Variants in SMOC2 observed in about 807,000 individuals in gnomAD.
SMOC2 encodes SPARC-related modular calcium-binding protein 2.
SMOC2 carries 39 observed loss-of-function variants against 61.4 expected under a neutral mutation model. That is an observed-to-expected ratio of 0.64 (90% CI 0.49 to 0.83). The LOEUF is 0.83. SMOC2 is among the 40% of genes least tolerant of loss of function. SMOC2 has a pLI of 0.00. For missense variants in SMOC2, 556 were observed against 592.9 expected, an observed-to-expected ratio of 0.94 and a Z score of 0.65; for synonymous variants, 247 against 239.9, an observed-to-expected ratio of 1.03 and a Z score of -0.27.
intron 4 of SMOC2, among the ~76,000 whole-genome samples, chr6:168,537,533 C>A (rs917795088): frequency 6.6e-6 from 1 of 152,220 alleles, no homozygotes; most frequent in African/African-American, 2.4e-5. Context: ...AAAGCTGGTC[C>A]TATTTAGGGA....
At chr6:168,552,004 T>C (rs1450674882) in intron 7 of SMOC2, among the ~76,000 whole-genome samples, 2 of 152,186 alleles carry the variant, frequency 1.3e-5, no homozygotes, top group Non-Finnish European at 2.9e-5. Context: ...CCTTACACTA[T>C]AATTTGGTTT....
intron 1 of SMOC2, among the ~76,000 whole-genome samples, chr6:168,508,712 G>T (rs1782933927): frequency 6.6e-6 from 1 of 152,220 alleles, no homozygotes. Flanking sequence ...GCTCAAACTG[G>T]AAGAGGGATT....
intron 8 of SMOC2, among the ~76,000 whole-genome samples, chr6:168,603,704 T>G (rs1785614226): frequency 9.1e-6 from 1 of 110,484 alleles, no homozygotes; most frequent in Non-Finnish European, 2.2e-5. Flanking sequence ...TGTCAAATGC[T>G]CTGGAGGAAA....
chr6:168,498,527 G>T (rs1210373010), intron 1 of SMOC2, among the ~76,000 whole-genome samples: 2 of 152,208 alleles, frequency 1.3e-5, no homozygotes, highest in East Asian at 3.9e-4. Context: ...TTCAGTAAAA[G>T]AGGTCAGGTC....
At chr6:168,556,631 C>T (rs908725240) in intron 7 of SMOC2, among the ~76,000 whole-genome samples, 7 of 151,822 alleles carry the variant, frequency 4.6e-5, no homozygotes, top group Non-Finnish European at 1.0e-4. Flanking sequence ...TTTTAGGGTA[C>T]ATGTGCACAA....
In SMOC2 at chr6:168,604,316, C is replaced by CTTTTGGCAGCTCCCCCTTCA. The variant is rs1319886860; in HGVS notation, c.825-3840_825-3839insTTTGGCAGCTCCCCCTTCAT. On this transcript the variant is annotated intron_variant, in intron 8 of 12. Coordinates refer to ENST00000356284, the MANE Select transcript of SMOC2 (RefSeq NM_001166412.2). ...TCAGAATTAGATCATATGTCCATGG[C>CTTTTGGCAGCTCCCCCTTCA]TAAACCCACTGCTGGCAAGAAAAAT... Among the ~76,000 whole-genome samples the CTTTTGGCAGCTCCCCCTTCA allele has an allele frequency of 6.6e-5, 10 of 152,304 alleles. No individual in the cohort carries two copies. In the East Asian group the frequency reaches 1.5e-3, roughly 24 times the overall value.
chr6:168,655,816 C>T (rs1787308704), intron 11 of SMOC2, among the ~76,000 whole-genome samples: 1 of 152,100 alleles, frequency 6.6e-6, no homozygotes, highest in Non-Finnish European at 1.5e-5. Flanking sequence ...CTGGATCTCC[C>T]TGCCCACTTG....
intron 8 of SMOC2, among the ~76,000 whole-genome samples, chr6:168,602,251 TG>T: frequency 1.3e-5 from 2 of 152,278 alleles, no homozygotes; most frequent in Middle Eastern, 6.8e-3. Context: ...CTCGACTCTC[TG>T]GAGACAGGGA....
At chr6:168,465,510 T>C (rs535898799) in intron 1 of SMOC2, among the ~76,000 whole-genome samples, 1 of 150,936 alleles carries the variant, frequency 6.6e-6, no homozygotes, top group African/African-American at 2.4e-5. Context: ...GAAATTGCTA[T>C]GTGAGACAGT....
At chr6:168,519,034 T>C (rs111066667) in intron 2 of SMOC2, among the ~76,000 whole-genome samples, 10,667 of 55,880 alleles carry the variant, frequency 0.19, 538 homozygotes, top group East Asian at 0.44. Flanking sequence ...CATGTGTGTG[T>C]ATGTGTGCAT....
At chr6:168,525,258 G>A (rs192016309) in intron 2 of SMOC2, among the ~76,000 whole-genome samples, 1 of 152,354 alleles carries the variant, frequency 6.6e-6, no homozygotes, top group East Asian at 1.9e-4. Context: ...CGTCTCCTGT[G>A]GTGGGAGGCT....
chr6:168,643,892 G>T (rs551615356), intron 9 of SMOC2, among the ~76,000 whole-genome samples: 1 of 152,284 alleles, frequency 6.6e-6, no homozygotes, highest in Non-Finnish European at 1.5e-5. Flanking sequence ...CATGCACACG[G>T]CCCCACGCGT....
chr6:168,474,800 T>A (rs1782043789), intron 1 of SMOC2, among the ~76,000 whole-genome samples: 2 of 152,072 alleles, frequency 1.3e-5, no homozygotes, highest in African/African-American at 4.8e-5. Flanking sequence ...GTAGAAAACG[T>A]GTAACAAATG....
chr6:168,570,107 C>T (rs1174700250), intron 7 of SMOC2, among the ~76,000 whole-genome samples: 10 of 149,162 alleles, frequency 6.7e-5, no homozygotes, highest in African/African-American at 2.0e-4. Context: ...CACCTTGCTT[C>T]GCTACTTTGG....
rs1354005946 is a variant in SMOC2 at position 168,544,393 on chromosome 6, TA to T, written c.511+723del. Among the ~76,000 whole-genome samples the T allele has an allele frequency of 3.3e-5, 5 of 152,194 alleles. No individual in the cohort carries two copies. Among genetic ancestry groups the T allele is most frequent in the African/African-American group, 1.2e-4 (5 of 41,446 alleles). On this transcript the variant is annotated intron_variant, in intron 5 of 12. Transcript: ENST00000356284. The surrounding 1 kb of genome is among the most constrained non-coding windows in gnomAD (Gnocchi z 4.1). ...TTCTTTTCTAGTGTAGGTTACAGTG[TA>T]ATGAACCAGTAACAAACAAAAATAA... is the stretch of plus-strand genomic sequence containing the variant.
intron 11 of SMOC2, among the ~76,000 whole-genome samples, chr6:168,662,087 A>G (rs1787522864): frequency 6.6e-6 from 1 of 152,256 alleles, no homozygotes; most frequent in Admixed American, 6.5e-5. Context: ...TTGAGTGGAT[A>G]GAAATCAACA....
intron 9 of SMOC2, among the ~76,000 whole-genome samples, chr6:168,630,643 C>T (rs867868795): frequency 3.9e-5 from 6 of 152,128 alleles, no homozygotes; most frequent in South Asian, 2.1e-4. Flanking sequence ...TTCTGACTGC[C>T]GGTGAGCCGG....
chr6:168,443,676 C>T (rs1781268264), intron 1 of SMOC2, among the ~76,000 whole-genome samples: 1 of 152,158 alleles, frequency 6.6e-6, no homozygotes, highest in African/African-American at 2.4e-5. Flanking sequence ...TTTCAGTGTG[C>T]TCATCTCTTT....
At chr6:168,450,850 A>C (rs1418591345) in intron 1 of SMOC2, among the ~76,000 whole-genome samples, 1 of 152,224 alleles carries the variant, frequency 6.6e-6, no homozygotes, top group African/African-American at 2.4e-5. Flanking sequence ...AAGTGTCTCC[A>C]AATTTAAGAT....
Sources: allele counts gnomAD v4.1 joint callset (sites outside exome capture counted in the v4.1 genomes callset), GRCh38; gene constraint gnomAD v4.1.1; non-coding constraint Gnocchi (gnomAD v3.1); transcripts MANE v1.5; gene names NCBI Gene and HGNC (gene_info 2026-07-23, HGNC 2026-07-21).